STPG2: variants seen among roughly 807,000 people sequenced by gnomAD.
STPG2 encodes sperm-tail PG-rich repeat-containing protein 2.
Under a neutral mutation model 54.2 loss-of-function variants are expected in STPG2, and 56 were observed. That is an observed-to-expected ratio of 1.03 (90% CI 0.83 to 1.29). The LOEUF is 1.29. Among genes scored for constraint, STPG2 ranks in the 50% most tolerant of loss-of-function variants. STPG2 has a pLI of 0.00. For synonymous variants in STPG2, 200 were observed against 181.8 expected (o/e 1.10, Z -0.81); for missense variants, 596 against 544.9 (o/e 1.09, Z -0.93).
chr4:98,043,756 G>A (rs535663507), intron 5 of STPG2, among the ~76,000 whole-genome samples: 3 of 151,994 alleles, frequency 2.0e-5, no homozygotes, highest in African/African-American at 7.2e-5. Flanking sequence ...ATTCTTTTAT[G>A]AATTTATTTT....
At chr4:97,880,265 T>C (rs1578650258) in intron 8 of STPG2, among the ~76,000 whole-genome samples, 1 of 152,308 alleles carries the variant, frequency 6.6e-6, no homozygotes, top group East Asian at 1.9e-4. Flanking sequence ...TACATTTTGT[T>C]TCAATGGGAT....
chr4:97,984,866 A>T (rs1456979613), intron 5 of STPG2, among the ~76,000 whole-genome samples: 1 of 152,068 alleles, frequency 6.6e-6, no homozygotes, highest in Admixed American at 6.6e-5. Flanking sequence ...AACTCCTGGA[A>T]ACTTAACAAT....
At chr4:97,567,137 T>G (rs1224763152) in intron 10 of STPG2, among the ~76,000 whole-genome samples, 1 of 151,760 alleles carries the variant, frequency 6.6e-6, no homozygotes, top group African/African-American at 2.4e-5. Flanking sequence ...TACACTATTT[T>G]TATTGCCCCA....
chr4:98,117,787 T>C lies in STPG2; in HGVS notation c.388-8482A>G, dbSNP rs1739563446. 2.6e-5 allele frequency among the ~76,000 whole-genome samples: 4 copies of C among 152,134 alleles called. No individual in the cohort carries two copies. In the South Asian group the frequency reaches 8.3e-4, roughly 32 times the overall value. On this transcript the variant is annotated intron_variant, in intron 3 of 10. Coordinates refer to ENST00000295268, the MANE Select transcript of STPG2 (RefSeq NM_174952.3). Reference sequence around the variant, plus strand: ...CTACTCGGTTTGTTTTTATAATTTCTATCTCTTTATTGATGCTCTCTATTG... The same window carrying C: ...CTACTCGGTTTGTTTTTATAATTTCCATCTCTTTATTGATGCTCTCTATTG...
intron 9 of STPG2, among the ~76,000 whole-genome samples, chr4:97,756,425 G>A (rs1211617533): frequency 1.3e-5 from 2 of 152,080 alleles, no homozygotes; most frequent in African/African-American, 2.4e-5. Context: ...GGGTTCAAGC[G>A]ATTCTCCTGC....
At chr4:97,568,772 A>AAAC (rs1386583021) in intron 10 of STPG2, among the ~76,000 whole-genome samples, 3 of 152,170 alleles carry the variant, frequency 2.0e-5, no homozygotes, top group Non-Finnish European at 4.4e-5. Flanking sequence ...AATAACAAAC[A>AAAC]AACAACAACA....
At chr4:97,994,013 T>G (rs1299511183) in intron 5 of STPG2, among the ~76,000 whole-genome samples, 1 of 152,172 alleles carries the variant, frequency 6.6e-6, no homozygotes, top group Non-Finnish European at 1.5e-5. Flanking sequence ...TCTATTAATT[T>G]TATTTATCTT....
intron 9 of STPG2, among the ~76,000 whole-genome samples, chr4:97,733,194 C>A (rs187218264): frequency 6.6e-6 from 1 of 152,148 alleles, no homozygotes; most frequent in Non-Finnish European, 1.5e-5. Flanking sequence ...ATGTTAAATG[C>A]GCATCAACTA....
intron 8 of STPG2, among the ~76,000 whole-genome samples, chr4:97,883,519 G>T (rs573422780): frequency 6.6e-6 from 1 of 152,030 alleles, no homozygotes; most frequent in East Asian, 1.9e-4. Context: ...TGGAAAAGGT[G>T]ACTAACATGA....
chr4:97,567,060 G>A (rs758405876), intron 10 of STPG2, among the ~76,000 whole-genome samples: 348 of 151,538 alleles, frequency 2.3e-3, no homozygotes, highest in Non-Finnish European at 3.9e-3. Context: ...ATAAATAAAA[G>A]AAAGAAATGG....
chr4:97,870,966 T>A (rs1729965923), intron 8 of STPG2, among the ~76,000 whole-genome samples: 1 of 151,030 alleles, frequency 6.6e-6, no homozygotes, highest in South Asian at 2.1e-4. Context: ...TTAATGACAC[T>A]TCCTGATCAT....
intron 9 of STPG2, among the ~76,000 whole-genome samples, chr4:97,785,375 T>C (rs1489407593): frequency 6.6e-6 from 1 of 152,000 alleles, no homozygotes; most frequent in Non-Finnish European, 1.5e-5. Context: ...TATTAGAGGG[T>C]TTCCCTTTAC....
At chr4:97,742,603 G>T (rs1304425375) in intron 9 of STPG2, among the ~76,000 whole-genome samples, 1 of 145,940 alleles carries the variant, frequency 6.9e-6, no homozygotes, top group Non-Finnish European at 1.5e-5. Context: ...TCTTTAAAAA[G>T]ATCTTACCTT....
intron 4 of STPG2, among the ~76,000 whole-genome samples, chr4:97,514,130 T>C (rs912831682): frequency 3.3e-5 from 5 of 152,202 alleles, no homozygotes; most frequent in African/African-American, 7.2e-5. Flanking sequence ...GACGGTAAAT[T>C]TGGCCTATTC....
intron 5 of STPG2, among the ~76,000 whole-genome samples, chr4:98,008,711 G>C (rs34152299): frequency 0.4 from 59,807 of 151,380 alleles, 12,028 homozygotes; most frequent in Middle Eastern, 0.46. Context: ...AACATTATGA[G>C]AGGAATAAAG....
At chr4:97,953,607 G>C (rs1733553859) in intron 7 of STPG2, among the ~76,000 whole-genome samples, 2 of 152,220 alleles carry the variant, frequency 1.3e-5, no homozygotes, top group Non-Finnish European at 2.9e-5. Flanking sequence ...AAAAATGCCT[G>C]CAAGGCTCTT....
chr4:97,915,606 T>C (rs1235057937), intron 8 of STPG2, among the ~76,000 whole-genome samples: 1 of 151,804 alleles, frequency 6.6e-6, no homozygotes, highest in African/African-American at 2.4e-5. Flanking sequence ...CAAAGGTAGG[T>C]CTTAGAGGTC....
At chr4:97,704,624 C>T (rs1307416875) in intron 10 of STPG2, among the ~76,000 whole-genome samples, 2 of 152,172 alleles carry the variant, frequency 1.3e-5, no homozygotes, top group African/African-American at 4.8e-5. Context: ...TAAACATTCA[C>T]TTTGGGGTAT....
chr4:98,084,814 C>T (rs1408619862), intron 5 of STPG2, among the ~76,000 whole-genome samples: 1 of 152,022 alleles, frequency 6.6e-6, no homozygotes, highest in African/African-American at 2.4e-5. Flanking sequence ...TCTTAGTCTT[C>T]GTATTGAGTT....
Sources: gnomAD v4.1 joint callset for allele counts (sites outside exome capture counted in the v4.1 genomes callset) on GRCh38, gnomAD v4.1.1 for gene constraint, MANE v1.5 for transcripts, NCBI Gene and HGNC (gene_info 2026-07-23, HGNC 2026-07-21) for gene names.